PKNOX2: variants seen among roughly 807,000 people sequenced by gnomAD.
PKNOX2 encodes the protein homeobox protein PKNOX2.
PKNOX2 carries 14 observed loss-of-function variants against 53.1 expected under a neutral mutation model. That is an observed-to-expected ratio of 0.26 (90% CI 0.17 to 0.41). The LOEUF (loss-of-function observed/expected upper bound fraction) is 0.41. PKNOX2 is among the 10% of genes least tolerant of loss of function. The pLI, the probability that PKNOX2 is intolerant of heterozygous loss-of-function variation, is 1.00. For missense variants in PKNOX2, 496 were observed against 602.8 expected (o/e 0.82, Z 1.85); for synonymous variants, 257 against 242.8 (o/e 1.06, Z -0.54).
At chr11:125,322,286 G>A (rs1234439670) in intron 2 of PKNOX2, among the ~76,000 whole-genome samples, 1 of 152,138 alleles carries the variant, frequency 6.6e-6, no homozygotes, top group African/African-American at 2.4e-5. Context: ...AGAGTTTAGA[G>A]GGTACTGGAG....
intron 2 of PKNOX2, among the ~76,000 whole-genome samples, chr11:125,304,124 G>A (rs956260333): frequency 1.3e-5 from 2 of 152,078 alleles, no homozygotes; most frequent in African/African-American, 2.4e-5. Flanking sequence ...ACACCTCAGG[G>A]CCTCCATAGG....
At chr11:125,344,701 G>A (rs1347374730) in intron 3 of PKNOX2, among the ~76,000 whole-genome samples, 1 of 152,184 alleles carries the variant, frequency 6.6e-6, no homozygotes, top group Non-Finnish European at 1.5e-5. Flanking sequence ...GCTTGTCTTG[G>A]TTGTCATCTT....
At chr11:125,302,982 G>T (rs1019042023) in intron 2 of PKNOX2, among the ~76,000 whole-genome samples, 4 of 152,166 alleles carry the variant, frequency 2.6e-5, no homozygotes, top group African/African-American at 7.2e-5. Context: ...CTTCCTGAGA[G>T]CTTAGGGCCC....
At chr11:125,315,313 A>C (rs1459035564) in intron 2 of PKNOX2, among the ~76,000 whole-genome samples, 2 of 146,544 alleles carry the variant, frequency 1.4e-5, no homozygotes, top group African/African-American at 2.7e-5. Context: ...GAAAAAAAAA[A>C]AAAAAAAAAA....
chr11:125,187,328 T>G (rs1956515687), intron 1 of PKNOX2, among the ~76,000 whole-genome samples: 2 of 152,200 alleles, frequency 1.3e-5, no homozygotes, highest in South Asian at 4.1e-4. Context: ...CAATATTAAG[T>G]CTTTCTATCC....
chr11:125,360,008 G>A (rs1435419631), intron 4 of PKNOX2, among the ~76,000 whole-genome samples: 1 of 152,176 alleles, frequency 6.6e-6, no homozygotes, highest in African/African-American at 2.4e-5. Flanking sequence ...ACAGGCGTGA[G>A]CCACCATGCC....
intron 2 of PKNOX2, among the ~76,000 whole-genome samples, chr11:125,274,288 A>G (rs1946012702): frequency 6.6e-6 from 1 of 152,124 alleles, no homozygotes; most frequent in South Asian, 2.1e-4. Context: ...TGCACCACAC[A>G]TACTTTCAGA....
Position 125,322,107 on chromosome 11 carries a change from C to T in PKNOX2, c.-129-9712C>T, listed in dbSNP as rs982140381. Among the ~76,000 whole-genome samples the T allele has an allele frequency of 2.0e-5, 3 of 152,078 alleles. No homozygotes were observed. In the East Asian group the frequency reaches 5.8e-4, roughly 29 times the overall value. On this transcript the variant is annotated intron_variant, in intron 2 of 12. Transcript: ENST00000298282. ...AGACCATAGGGTGTGGTTTGCCAGC[C>T]CCTGACCTGGCGTCCTTGAAGGAGA...
At chr11:125,371,014 G>A (rs984851621) in intron 5 of PKNOX2, among the ~76,000 whole-genome samples, 1 of 152,216 alleles carries the variant, frequency 6.6e-6, no homozygotes, top group Admixed American at 6.5e-5. Flanking sequence ...AAAGGGGAGG[G>A]AGCCTGCCAG....
At chr11:125,217,502 C>T (rs1467910526) in intron 1 of PKNOX2, among the ~76,000 whole-genome samples, 2 of 152,240 alleles carry the variant, frequency 1.3e-5, no homozygotes, top group African/African-American at 4.8e-5. Context: ...GCTACAAATA[C>T]TTCCTTGCAG....
Position 125,414,497 on chromosome 11 carries a change from A to G in PKNOX2, c.936+2632A>G, listed in dbSNP as rs189515747. ...ACTTTGGGACTGAAGGGAAGGAAGA[A>G]AATGAGAAGTCCAGGCTGCTCTAGG... On this transcript the variant is annotated intron_variant, in intron 10 of 12. Transcript: ENST00000298282. 3.3e-3 allele frequency among the ~76,000 whole-genome samples: 496 copies of G among 152,334 alleles called. 2 individuals are homozygous for G. The highest frequency in any genetic ancestry group is 9.0e-3 in the African/African-American group (376 of 41,584).
At position 125,207,210 on chromosome 11, in the gene PKNOX2, T is replaced by C. The variant is rs1332699957; in HGVS notation, c.-200-27835T>C. ...TTCTTCTTCTCTCTCTCTCTTTCCC[T>C]TCCTTCCACCCTCCCTCCTCCCTTC... On this transcript the variant is annotated intron_variant, in intron 1 of 12. Coordinates refer to ENST00000298282, the MANE Select transcript of PKNOX2 (RefSeq NM_001382323.2). 2.0e-5 allele frequency among the ~76,000 whole-genome samples: 3 copies of C among 152,038 alleles called. No individual in the cohort carries two copies. In the East Asian group the frequency reaches 5.8e-4, roughly 29 times the overall value.
chr11:125,289,065 C>G (rs1947124904), intron 2 of PKNOX2, among the ~76,000 whole-genome samples: 1 of 152,240 alleles, frequency 6.6e-6, no homozygotes, highest in African/African-American at 2.4e-5. Flanking sequence ...TTTACCATTT[C>G]ATTGGCCTGA....
chr11:125,416,262 C>T (rs1351340967), intron 10 of PKNOX2, among the ~76,000 whole-genome samples: 1 of 139,288 alleles, frequency 7.2e-6, no homozygotes, highest in Non-Finnish European at 1.5e-5. Context: ...GAGATCCCGC[C>T]ACTGCACTCC....
chr11:125,237,498 T>A (rs1942804831), intron 2 of PKNOX2, among the ~76,000 whole-genome samples: 1 of 152,186 alleles, frequency 6.6e-6, no homozygotes, highest in Non-Finnish European at 1.5e-5. Flanking sequence ...TTGGTACTCA[T>A]CAAGTTAGTG....
intron 1 of PKNOX2, among the ~76,000 whole-genome samples, chr11:125,202,585 G>A (rs996358018): frequency 7.9e-5 from 12 of 152,158 alleles, no homozygotes; most frequent in Non-Finnish European, 1.5e-4. Flanking sequence ...TGTCCAGGCC[G>A]ACAGAGTGCT....
intron 2 of PKNOX2, among the ~76,000 whole-genome samples, chr11:125,262,429 C>G (rs1305897030): frequency 6.6e-6 from 1 of 151,836 alleles, no homozygotes; most frequent in African/African-American, 2.4e-5. Flanking sequence ...TGCTTAGCGT[C>G]CCGTCGCAGA....
Position 125,367,933 on chromosome 11 carries a change from G to A in PKNOX2, c.175G>A (p.Ala59Thr). The change falls in exon 5 of 13, where the codon GCC becomes ACC. Residue 59 changes from alanine to threonine, a missense_variant. Ala to Thr is a moderately conservative substitution (Grantham distance 58). Around this residue, in one of 5 missense-constraint regions of PKNOX2, gnomAD observed 168 missense variants for 178.4 expected, o/e 0.94. Transcript: ENST00000298282. The part of the protein sequence containing the change: ...SAAASTPVPS[A>T]PIDPQAQLEA... ...TGCTGCCAGCACACCTGTGCCCAGT[G>A]CCCCCATCGACCCCCAGGCCCAGCT... 6.2e-7 allele frequency: 1 copy of A among 1,613,394 alleles called. No homozygotes were observed. Among genetic ancestry groups the A allele is most frequent in the Non-Finnish European group, 8.5e-7 (1 of 1,179,712 alleles).
chr11:125,379,331 G>A (rs1953076009), intron 5 of PKNOX2, among the ~76,000 whole-genome samples: 2 of 152,090 alleles, frequency 1.3e-5, no homozygotes, highest in African/African-American at 4.8e-5. Context: ...CAAAGCGCTG[G>A]GGATTACAGG....
Sources: allele counts gnomAD v4.1 joint callset (sites outside exome capture counted in the v4.1 genomes callset), GRCh38; gene constraint gnomAD v4.1.1; regional missense constraint gnomAD v4.1.1; transcripts MANE v1.5; gene names NCBI Gene and HGNC (gene_info 2026-07-23, HGNC 2026-07-21).